Variants in CPVL observed in about 807,000 individuals in gnomAD.
CPVL encodes the protein carboxypeptidase vitellogenic like.
In CPVL, 51 loss-of-function variants were observed where a neutral mutation model predicts 63.7. The ratio of observed to expected loss-of-function variants is 0.80; its 90% CI spans 0.64 to 1.01. The LOEUF (loss-of-function observed/expected upper bound fraction) is 1.01. CPVL is among the 50% of genes least tolerant of loss of function. The pLI is 0.00. For missense variants in CPVL, 530 were observed against 573.1 expected, an observed-to-expected ratio of 0.92 and a Z score of 0.77; for synonymous variants, 195 against 206.0, an observed-to-expected ratio of 0.95 and a Z score of 0.46.
chr7:29,138,596 A>G (rs1477977726), intron 1 of CPVL, among the ~76,000 whole-genome samples: 1 of 152,074 alleles, frequency 6.6e-6, no homozygotes, highest in Non-Finnish European at 1.5e-5. Flanking sequence ...CGAGAAAGAG[A>G]GAGACCCAGA....
In CPVL at chr7:29,070,743, G is replaced by A. The variant is rs183018548; in HGVS notation, c.864+1030C>T. 3.9e-3 allele frequency among the ~76,000 whole-genome samples: 587 copies of A among 152,240 alleles called. 2 individuals carry two copies. The highest frequency in any genetic ancestry group is 7.7e-3 in the Admixed American group (118 of 15,294). On this transcript the variant is annotated intron_variant, in intron 9 of 12. Coordinates refer to ENST00000265394, the MANE Select transcript of CPVL (RefSeq NM_031311.5). ...ACAGCTAGCTGCTATCAGAATTCAC[G>A]GCAAGGGCGGTCACTGCCTTGGGGG... is the stretch of plus-strand genomic sequence containing the variant.
intron 1 of CPVL, among the ~76,000 whole-genome samples, chr7:29,139,298 G>C (rs2128667809): frequency 6.6e-6 from 1 of 152,254 alleles, no homozygotes; most frequent in East Asian, 1.9e-4. Flanking sequence ...GTAAATTCTG[G>C]AGATTAGATG....
intron 12 of CPVL, among the ~76,000 whole-genome samples, chr7:28,999,361 A>G (rs1300296783): frequency 6.6e-6 from 1 of 152,248 alleles, no homozygotes; most frequent in Non-Finnish European, 1.5e-5. Flanking sequence ...ATATCTAACA[A>G]TTCCAAAGCA....
In CPVL at chr7:29,143,693, T is replaced by C. The variant is rs78068768; in HGVS notation, c.-11+2736A>G. Among the ~76,000 whole-genome samples, 259 of 152,294 alleles carry C rather than the reference T, an allele frequency of 1.7e-3. 2 individuals carry two copies. The highest frequency in any genetic ancestry group is 3.1e-3 in the Non-Finnish European group (212 of 68,016). On this transcript the variant is annotated intron_variant, in intron 1 of 12. Coordinates refer to ENST00000265394, the MANE Select transcript of CPVL (RefSeq NM_031311.5). ...AAGCAATTTAAAGACAACCAATAAC[T>C]AGAATCAGACTAGAGAGAAAAAGGT...
intron 4 of CPVL, among the ~76,000 whole-genome samples, chr7:29,182,345 A>T (rs1191538153): frequency 1.3e-5 from 2 of 152,376 alleles, no homozygotes; most frequent in South Asian, 2.1e-4. Context: ...CAATAATGAA[A>T]TAAGATCATA....
chr7:29,166,723 A>G (rs182268493), intron 5 of CPVL, among the ~76,000 whole-genome samples: 131 of 152,170 alleles, frequency 8.6e-4, no homozygotes, highest in Non-Finnish European at 1.5e-3. Context: ...TCATTTCTAT[A>G]ATTAATAATT....
At chr7:29,076,885 T>C (rs1466101624) in intron 7 of CPVL, among the ~76,000 whole-genome samples, 1 of 152,250 alleles carries the variant, frequency 6.6e-6, no homozygotes, top group Non-Finnish European at 1.5e-5. Context: ...GTTTTGAATC[T>C]TGGTTTGCGA....
intron 1 of CPVL, among the ~76,000 whole-genome samples, chr7:29,134,489 T>G (rs554430246): frequency 1.3e-5 from 2 of 152,140 alleles, no homozygotes; most frequent in African/African-American, 4.8e-5. Flanking sequence ...AAATAAAAAC[T>G]CACAAGAAAT....
At chr7:29,164,156 C>A (rs1376233822) in intron 5 of CPVL, among the ~76,000 whole-genome samples, 1 of 152,302 alleles carries the variant, frequency 6.6e-6, no homozygotes, top group Middle Eastern at 3.4e-3. Flanking sequence ...CCATATCCTT[C>A]CCAACACTTA....
chr7:29,090,808 G>A, intron 6 of CPVL, among the ~76,000 whole-genome samples: 1 of 152,148 alleles, frequency 6.6e-6, no homozygotes, highest in East Asian at 1.9e-4. Context: ...AAACACAAAA[G>A]CAGCAAAACT....
chr7:29,149,015 A>T (rs1793181168), upstream of CPVL, among the ~76,000 whole-genome samples: 1 of 152,094 alleles, frequency 6.6e-6, no homozygotes, highest in African/African-American at 2.4e-5. Flanking sequence ...ACTCAGGTTG[A>T]TGCTGTGCTC....
chr7:29,050,489 T>C (rs1790036935), intron 11 of CPVL, among the ~76,000 whole-genome samples: 1 of 152,074 alleles, frequency 6.6e-6, no homozygotes, highest in Non-Finnish European at 1.5e-5. Flanking sequence ...TCCATTTTGG[T>C]GGAATTGTAA....
intron 1 of CPVL, among the ~76,000 whole-genome samples, chr7:29,129,342 G>A (rs570258175): frequency 5.8e-4 from 88 of 152,266 alleles, no homozygotes; most frequent in Non-Finnish European, 1.0e-3. Flanking sequence ...GTAACTGCAT[G>A]AATTGTTATG....
intron 11 of CPVL, among the ~76,000 whole-genome samples, chr7:29,063,018 G>C (rs942381053): frequency 6.6e-6 from 1 of 152,152 alleles, no homozygotes; most frequent in Non-Finnish European, 1.5e-5. Context: ...TGGAGGACCA[G>C]AGGAGGAGCT....
rs1464780632 is a variant in CPVL at position 29,175,391 on chromosome 7, G to C, written c.-11+5899C>G. On this transcript the variant is annotated intron_variant, in intron 5 of 16. Coordinates refer to the CPVL transcript ENST00000409850. ...GGGTTTCACCATATTGGCAAGGCTG[G>C]TCTCAAACTCCAGACTTCGGGTTTT... Among the ~76,000 whole-genome samples the C allele has an allele frequency of 3.3e-5, 5 of 151,950 alleles. No individual in the cohort carries two copies. In the East Asian group the frequency reaches 9.7e-4, roughly 29 times the overall value.
intron 3 of CPVL, among the ~76,000 whole-genome samples, chr7:29,106,003 C>G (rs1787680964): frequency 6.6e-6 from 1 of 152,162 alleles, no homozygotes; most frequent in Non-Finnish European, 1.5e-5. Context: ...GGGGACCCTT[C>G]CCAAGGCTGC....
chr7:29,090,832 G>A (rs1321640764), intron 6 of CPVL, among the ~76,000 whole-genome samples: 2 of 152,196 alleles, frequency 1.3e-5, no homozygotes, highest in Non-Finnish European at 2.9e-5. Flanking sequence ...AACGGTAAAT[G>A]TCTCCTTACA....
chr7:29,051,765 T>A (rs1206561144), intron 11 of CPVL, among the ~76,000 whole-genome samples: 1 of 151,918 alleles, frequency 6.6e-6, no homozygotes, highest in East Asian at 1.9e-4. Context: ...GGAAAAGAAG[T>A]CATTATATGA....
chr7:29,081,469 C>T (rs1484432200), intron 7 of CPVL: 2 of 152,166 alleles, frequency 1.3e-5, no homozygotes, highest in Non-Finnish European at 2.9e-5. Flanking sequence ...GCCACACCAT[C>T]GTCCACACGG....
Sources: allele counts gnomAD v4.1 joint callset (sites outside exome capture counted in the v4.1 genomes callset), GRCh38; gene constraint gnomAD v4.1.1; transcripts MANE v1.5; gene names NCBI Gene and HGNC (gene_info 2026-07-23, HGNC 2026-07-21).